The following POLE variants were observed in gnomAD, a reference collection of about 807,000 sequenced individuals.
POLE encodes DNA polymerase epsilon, catalytic subunit.
A neutral mutation model predicts 279.2 loss-of-function variants in POLE; 188 were observed. The ratio of observed to expected loss-of-function variants is 0.67; its 90% CI spans 0.60 to 0.76. POLE has a LOEUF of 0.76. POLE is among the 30% of genes least tolerant of loss of function. The pLI is 0.00. For synonymous variants in POLE, 1,214 were observed against 1,172.5 expected, an observed-to-expected ratio of 1.04 and a Z score of -0.72; for missense variants, 2,703 against 3,016.7, an observed-to-expected ratio of 0.90 and a Z score of 2.44.
intron 1 of POLE, among the ~76,000 whole-genome samples, chr12:132,683,136 A>G (rs1045346459): frequency 1.3e-5 from 2 of 152,080 alleles, no homozygotes; most frequent in Admixed American, 1.3e-4. Context: ...GACACCCCCC[A>G]TGAAAGACCC....
chr12:132,672,356 G>A (rs748107298), intron 15 of POLE, 34 bp from the exon 16 acceptor site: 28 of 1,527,058 alleles, frequency 1.8e-5, no homozygotes, highest in Middle Eastern at 1.8e-4. Context: ...GGTCAGAGGG[G>A]AAACACACCC....
rs150449159 is a variant in POLE, at chr12:132,630,013, C to T, written c.6330+2302G>A. Among the ~76,000 whole-genome samples, 322 of 152,188 alleles carry T rather than the reference C, an allele frequency of 2.1e-3. 1 individual carries two copies. The highest frequency in any genetic ancestry group is 7.5e-3 in the African/African-American group (312 of 41,530). ...ACTGGGGAGGCCCAAGGAGAAAGGG[C>T]GAGATGGCAGAATGGCCCGTGAGTG... On this transcript the variant is annotated intron_variant, in intron 45 of 48. Coordinates refer to ENST00000320574, the MANE Select transcript of POLE (RefSeq NM_006231.4).
In POLE at chr12:132,623,789, A is replaced by T. The variant is rs1245922002; in HGVS notation, c.*908T>A. 5.4e-6 allele frequency: 1 copy of T among 186,300 alleles called. No homozygotes were observed. Among genetic ancestry groups the T allele is most frequent in the African/African-American group, 2.3e-5 (1 of 42,680 alleles). 11.5% of individuals were successfully genotyped at this position (186,300 alleles called of 1,614,324 possible). On this transcript the variant is annotated 3_prime_UTR_variant, in exon 49 of 49. Transcript: ENST00000320574. ...AACTTCAGTATGAAATACAAATAAA[A>T]ACAAAGTGTAGCAGCGATGGCCTCA...
intron 16 of POLE, among the ~76,000 whole-genome samples, chr12:132,669,471 AAAAAAG>A (rs1220214050): frequency 2.0e-5 from 3 of 152,126 alleles, no homozygotes; most frequent in Admixed American, 1.3e-4. Context: ...TTCAGAAAAA[AAAAAAG>A]AAAAAGAAAA....
intron 45 of POLE, among the ~76,000 whole-genome samples, chr12:132,630,791 C>A (rs2041921054): frequency 6.6e-6 from 1 of 152,190 alleles, no homozygotes; most frequent in African/African-American, 2.4e-5. Flanking sequence ...CCACTACACA[C>A]CTACTGGAAT....
chr12:132,644,313 C>G (rs2042225548), intron 32 of POLE, among the ~76,000 whole-genome samples: 1 of 151,318 alleles, frequency 6.6e-6, no homozygotes. Flanking sequence ...GAACACACCA[C>G]CACGGATGGC....
At chr12:132,632,613 G>A in intron 44 of POLE, 51 bp downstream of exon 44, 2 of 1,612,554 alleles carry the variant, frequency 1.2e-6, no homozygotes, top group Non-Finnish European at 8.5e-7. Flanking sequence ...ACACAGAGGA[G>A]TTAGGTCACT....
At position 132,649,750 on chromosome 12, in the gene POLE, T is replaced by G. The variant is rs755166232; in HGVS notation, c.3722A>C (p.Glu1241Ala). The change falls in exon 30 of 49, where the codon GAG (glutamate) becomes GCG (alanine). Residue 1241 changes from glutamate (E) to alanine (A), a missense_variant. Physicochemically the swap from Glu to Ala is moderately radical, Grantham distance 107. This residue lies in a region of POLE where 1,551 missense variants were observed against 1,686.1 expected (regional missense o/e 0.92). Coordinates refer to ENST00000320574, the MANE Select transcript of POLE (RefSeq NM_006231.4). ...RKRVLWESQE[E>A]SQDLTPTVPW... ...CACAGTCGGCGTGAGGTCCTGGGAC[T>G]CCTCCTGGCTCTCCCAAAGAACTCG... 14 of 1,614,044 alleles carry G rather than the reference T, an allele frequency of 8.7e-6. No individual in the cohort carries two copies. The highest frequency in any genetic ancestry group is 5.3e-5 in the African/African-American group (4 of 74,910).
Position 132,638,082 on chromosome 12 carries a change from G to A in POLE, c.5610C>T (p.Arg1870=), listed in dbSNP as rs2138501344. 2.5e-6 allele frequency: 4 copies of A among 1,614,032 alleles called. No homozygotes were observed. Among genetic ancestry groups the A allele is most frequent in the Non-Finnish European group, 3.4e-6 (4 of 1,179,966 alleles). Residue 1870 remains arginine (R), a synonymous_variant, in exon 41 of 49, where the codon CGC becomes CGT. Transcript: ENST00000320574. ...GGCGCTTCTTTGTACAGAGGATGAT[G>A]CGGTTGAAGTTGGCGTAGATGACTG... ...GSSVIYANFN[R]IILCTKKRRV... is the part of the protein sequence containing the mutation.
At chr12:132,660,841 G>A (rs1398633759) in intron 25 of POLE, 128 bp downstream of exon 25, 1 of 646,288 alleles carries the variant, frequency 1.5e-6, no homozygotes, top group Admixed American at 2.8e-5. Flanking sequence ...GAGGTCTTGG[G>A]ATTTCATTAG....
In POLE at chr12:132,676,368, A is replaced by G. The variant is rs941996428; in HGVS notation, c.910-164T>C. On this transcript the variant is annotated intron_variant, in intron 9 of 48. Transcript: ENST00000320574. ...CTGAGAAGAGACGCTCTGTGTGTGG[A>G]TTCCCACTCGAAAGGGGAGGGTACA... 26 of 708,652 alleles carry G rather than the reference A, an allele frequency of 3.7e-5. No individual in the cohort carries two copies. The Middle Eastern group carries it at 1.3e-3, about 34-fold the overall frequency. 43.9% of individuals were successfully genotyped at this position (708,652 alleles called of 1,614,324 possible).
chr12:132,667,723 T>C (rs2135972083), intron 19 of POLE, 75 bp from the exon 20 acceptor site: 1 of 1,473,086 alleles, frequency 6.8e-7, no homozygotes. Context: ...ACAGGGGTGC[T>C]GAAGAACATG....
Position 132,626,334 on chromosome 12 carries a change from C to A in POLE, c.6331-17G>T, listed in dbSNP as rs1340633959. On this transcript the variant is annotated splice_polypyrimidine_tract_variant and intron_variant, in intron 45 of 48. Coordinates refer to ENST00000320574, the MANE Select transcript of POLE (RefSeq NM_006231.4). Reference sequence around the variant, plus strand: ...GGACAGCACCTGCAGAGACCACAGCCCACATCGGGAAGGAGCTCCCGGGGC... The same window carrying A: ...GGACAGCACCTGCAGAGACCACAGCACACATCGGGAAGGAGCTCCCGGGGC... 5.0e-6 allele frequency: 8 copies of A among 1,612,880 alleles called. No homozygotes were observed. The South Asian group carries it at 8.8e-5, about 18-fold the overall frequency.
rs1212978354 is a variant in POLE at position 132,648,855 on chromosome 12, G to A, written c.4149+74C>T. ...AGGTACTGAGGAGATGGAGGCTGGA[G>A]GCCAGGCTAGATCATGGGAAAGCCA... On this transcript the variant is annotated intron_variant, in intron 32 of 48. Coordinates refer to ENST00000320574, the MANE Select transcript of POLE (RefSeq NM_006231.4). 6 of 1,478,992 alleles carry A rather than the reference G, an allele frequency of 4.1e-6. No individual in the cohort carries two copies. The African/African-American group carries it at 7.0e-5, about 17-fold the overall frequency. The allele number at this position is 1,478,992 out of a possible 1,614,324, so 91.6% of individuals were successfully genotyped here.
chr12:132,651,099 C>A (rs1258952624), intron 29 of POLE: 1 of 152,144 alleles, frequency 6.6e-6, no homozygotes, highest in Non-Finnish European at 1.5e-5. Flanking sequence ...TGGTCTCGAA[C>A]TCCTGACCTC....
chr12:132,635,812 G>A lies in POLE; in HGVS notation c.5811+80C>T, dbSNP rs2042020004. ...GCTGCTCACGGCCAGGCCCGCCGGG[G>A]CCCTGAGCACTCAGCACTTGCTGCA... is the stretch of plus-strand genomic sequence containing the variant. On this transcript the variant is annotated intron_variant, in intron 42 of 48. Coordinates refer to ENST00000320574, the MANE Select transcript of POLE (RefSeq NM_006231.4). 9 of 1,484,162 alleles carry A rather than the reference G, an allele frequency of 6.1e-6. No individual in the cohort carries two copies. In the East Asian group the frequency reaches 1.4e-4, roughly 23 times the overall value. 91.9% of individuals were successfully genotyped at this position (1,484,162 alleles called of 1,614,324 possible).
intron 8 of POLE, 21 bp downstream of exon 8, chr12:132,677,342 G>C: frequency 3.8e-6 from 6 of 1,591,682 alleles, no homozygotes; most frequent in African/African-American, 1.3e-5. Flanking sequence ...TTAGGATGAA[G>C]GTAACACAAG....
At chr12:132,666,189 G>A (rs536254309) in intron 20 of POLE, among the ~76,000 whole-genome samples, 10 of 152,336 alleles carry the variant, frequency 6.6e-5, no homozygotes, top group Admixed American at 4.6e-4. Context: ...GCACGTCGGT[G>A]TATGAAGGAT....
rs781440494 is a variant in POLE at position 132,675,335 on chromosome 12, A to G, written c.1226+63T>C. On this transcript the variant is annotated intron_variant, in intron 12 of 48. Coordinates refer to ENST00000320574, the MANE Select transcript of POLE (RefSeq NM_006231.4). This position sits in a 1 kb window ranked among gnomAD's most constrained non-coding sequence, Gnocchi z 4.3. ...GAGATGTGGTGACAGCACAGTCTGCAAGAGGCCTTCAGATCTCGCTCACGG... is the reference window on the plus strand; with the variant it reads ...GAGATGTGGTGACAGCACAGTCTGCGAGAGGCCTTCAGATCTCGCTCACGG... The G allele has an allele frequency of 8.8e-5, 139 of 1,583,152 alleles. No homozygotes were observed. The highest frequency in any genetic ancestry group is 1.2e-4 in the Non-Finnish European group (137 of 1,164,106).
Sources: allele counts gnomAD v4.1 joint callset (sites outside exome capture counted in the v4.1 genomes callset), GRCh38; gene constraint gnomAD v4.1.1; regional missense constraint gnomAD v4.1.1; non-coding constraint Gnocchi (gnomAD v3.1); transcripts MANE v1.5; gene names NCBI Gene and HGNC (gene_info 2026-07-23, HGNC 2026-07-21).